The following PLCB4 variants were observed in gnomAD, a reference collection of about 807,000 sequenced individuals.
The protein encoded by PLCB4 is phospholipase C beta 4.
Under a neutral mutation model 178.8 loss-of-function variants are expected in PLCB4, and 77 were observed. The observed-to-expected ratio is 0.43, with a 90% CI of 0.36 to 0.52. The LOEUF (loss-of-function observed/expected upper bound fraction) is 0.52, where lower values mean the gene tolerates loss of function less well. Ranked by LOEUF, PLCB4 falls within the 20% of genes least tolerant of loss-of-function variation. The pLI, the probability that PLCB4 is intolerant of heterozygous loss-of-function variation, is 0.00. For synonymous variants in PLCB4, 496 were observed against 490.8 expected (o/e 1.01, Z -0.14); for missense variants, 1,024 against 1,453.4 (o/e 0.70, Z 4.80).
intron 2 of PLCB4, among the ~76,000 whole-genome samples, chr20:9,167,916 C>A (rs1296260501): frequency 1.3e-5 from 2 of 152,142 alleles, no homozygotes; most frequent in Non-Finnish European, 2.9e-5. Flanking sequence ...GTAAACAAAG[C>A]ATGACCATTA....
intron 7 of PLCB4, among the ~76,000 whole-genome samples, chr20:9,344,483 G>A (rs1179913026): frequency 5.3e-5 from 8 of 152,186 alleles, no homozygotes; most frequent in Admixed American, 4.6e-4. Context: ...GTCAGTGCCC[G>A]ACACTTAGTG....
chr20:9,276,969 A>G (rs2094455838), intron 3 of PLCB4, among the ~76,000 whole-genome samples: 1 of 152,042 alleles, frequency 6.6e-6, no homozygotes, highest in Non-Finnish European at 1.5e-5. Flanking sequence ...AGAAATGTGC[A>G]ATTTTTGTCC....
intron 24 of PLCB4, 152 bp downstream of exon 24, chr20:9,409,333 TA>T (rs57434661): frequency 0.049 from 18,143 of 372,738 alleles, 16 homozygotes; most frequent in East Asian, 0.079. Context: ...TGGTGAGAAA[TA>T]AAAAAAAAAA....
At chr20:9,246,561 A>C (rs1381351549) in intron 3 of PLCB4, among the ~76,000 whole-genome samples, 2 of 150,324 alleles carry the variant, frequency 1.3e-5, no homozygotes, top group African/African-American at 4.9e-5. Context: ...GTCATATAGC[A>C]CTTTTTTTTT....
At chr20:9,352,864 T>A (rs75632957) in intron 7 of PLCB4, among the ~76,000 whole-genome samples, 1 of 152,182 alleles carries the variant, frequency 6.6e-6, no homozygotes, top group Non-Finnish European at 1.5e-5. Flanking sequence ...CCTCCCATGC[T>A]AATAGATGGC....
chr20:9,373,201 G>T (rs548625551), intron 12 of PLCB4, 97 bp downstream of exon 12: 5 of 610,524 alleles, frequency 8.2e-6, no homozygotes, highest in East Asian at 3.0e-5. Flanking sequence ...GCCCTTATTC[G>T]CTTTGCTTCT....
At position 9,221,443 on chromosome 20, in the gene PLCB4, G is replaced by A. The variant is rs570544044; in HGVS notation, c.-16+3991G>A. 3.3e-5 allele frequency among the ~76,000 whole-genome samples: 5 copies of A among 152,302 alleles called. No individual in the cohort carries two copies. The East Asian group carries it at 9.7e-4, about 29-fold the overall frequency. ...GCAAAGCACACAAAAGCCGGGAAAG[G>A]GCACACAAGACGATTAAAGGGACCC... On this transcript the variant is annotated intron_variant, in intron 3 of 39. Transcript: ENST00000378473.
intron 3 of PLCB4, among the ~76,000 whole-genome samples, chr20:9,297,157 A>ACCC (rs140669435): frequency 1.7e-4 from 25 of 149,596 alleles, no homozygotes; most frequent in African/African-American, 6.1e-4. Context: ...TATAGCCCGC[A>ACCC]CCCCCCCCCA....
intron 32 of PLCB4, among the ~76,000 whole-genome samples, chr20:9,444,761 C>CA (rs1016038746): frequency 7.4e-5 from 11 of 149,330 alleles, no homozygotes; most frequent in South Asian, 6.4e-4. Context: ...GACTCCATCT[C>CA]AAAAAAAAAG....
At chr20:9,365,537 T>G in intron 9 of PLCB4, 23 bp downstream of exon 9, 3 of 1,507,466 alleles carry the variant, frequency 2.0e-6, no homozygotes, top group Non-Finnish European at 2.8e-6. Context: ...TCCTATCTGC[T>G]GTCCGTGTCC....
At chr20:9,453,281 G>A in intron 32 of PLCB4, 66 bp from the exon 33 acceptor site, 1 of 898,232 alleles carries the variant, frequency 1.1e-6, no homozygotes, top group Non-Finnish European at 1.8e-6. Flanking sequence ...TGAAAGTTAT[G>A]CCAGCCCTAT....
intron 2 of PLCB4, among the ~76,000 whole-genome samples, chr20:9,180,868 C>T (rs1412861444): frequency 1.3e-5 from 2 of 152,144 alleles, no homozygotes; most frequent in Non-Finnish European, 2.9e-5. Flanking sequence ...AACTTTGTTC[C>T]TACAAAATTA....
intron 2 of PLCB4, among the ~76,000 whole-genome samples, chr20:9,149,238 C>T (rs536547201): frequency 1.6e-4 from 24 of 152,252 alleles, no homozygotes; most frequent in Middle Eastern, 3.4e-3. Flanking sequence ...AGCCTGATCT[C>T]CACGGCTGTT....
intron 3 of PLCB4, among the ~76,000 whole-genome samples, chr20:9,237,089 C>T (rs543486269): frequency 1.2e-4 from 18 of 152,198 alleles, no homozygotes; most frequent in Middle Eastern, 6.8e-3. Context: ...AAAAAAAAGA[C>T]GGCTTTTCTG....
chr20:9,437,016 C>T lies in PLCB4; in HGVS notation c.2628C>T (p.Asp876=), dbSNP rs35218589. Residue 876 remains aspartate, a synonymous_variant, in exon 30 of 40, where the codon GAC becomes GAT. Coordinates refer to ENST00000378473, the MANE Select transcript of PLCB4 (RefSeq NM_001377142.1). Reference sequence around the variant, plus strand: ...TTCTGTTCCAGAGTGACATAGCCGACGTGCCCAGTGACACTTCCAAAAATG... The same window carrying T: ...TTCTGTTCCAGAGTGACATAGCCGATGTGCCCAGTGACACTTCCAAAAATG... ...AMGIETSDIA[D]VPSDTSKNDK... 794 of 1,613,916 alleles carry T rather than the reference C, an allele frequency of 4.9e-4. 7 individuals are homozygous for T. The African/African-American group carries it at 9.1e-3, about 18-fold the overall frequency.
In PLCB4 at chr20:9,389,863, T is replaced by A. The variant is rs753653120; in HGVS notation, c.1159-16T>A. On this transcript the variant is annotated splice_polypyrimidine_tract_variant and intron_variant, in intron 15 of 39. Coordinates refer to ENST00000378473, the MANE Select transcript of PLCB4 (RefSeq NM_001377142.1). ...TTGCTCTTTTCTCTCATTAACGTTT[T>A]TTTTTGTTTTTAAAGGATGTAATTC... 1 of 1,461,040 alleles carries A rather than the reference T, an allele frequency of 6.8e-7. No individual in the cohort carries two copies. The highest frequency in any genetic ancestry group is 9.5e-7 in the Non-Finnish European group (1 of 1,053,648). The allele number at this position is 1,461,040 out of a possible 1,614,324, so 90.5% of individuals were successfully genotyped here. A position where few individuals can be genotyped will look rare whatever the true frequency, so the allele number is the denominator to read the frequency against.
intron 4 of PLCB4, among the ~76,000 whole-genome samples, chr20:9,318,413 T>C (rs1421678889): frequency 6.6e-6 from 1 of 151,754 alleles, no homozygotes; most frequent in African/African-American, 2.4e-5. Context: ...GGTGGAGACA[T>C]GGGTGTGAGG....
intron 3 of PLCB4, among the ~76,000 whole-genome samples, chr20:9,273,711 T>TGC (rs2094426705): frequency 6.6e-6 from 1 of 150,880 alleles, no homozygotes; most frequent in African/African-American, 2.4e-5. Context: ...TGTGTGTGTG[T>TGC]GTGTGTGTCT....
intron 12 of PLCB4, among the ~76,000 whole-genome samples, chr20:9,376,809 A>C (rs1232130134): frequency 1.3e-5 from 2 of 152,134 alleles, no homozygotes; most frequent in Non-Finnish European, 2.9e-5. Flanking sequence ...CAAGGAAGAG[A>C]GGGAAAAGGC....
Sources: allele counts gnomAD v4.1 joint callset (sites outside exome capture counted in the v4.1 genomes callset), GRCh38; gene constraint gnomAD v4.1.1; transcripts MANE v1.5; gene names NCBI Gene and HGNC (gene_info 2026-07-23, HGNC 2026-07-21).